FOXP1: variants seen among roughly 807,000 people sequenced by gnomAD.
FOXP1 encodes the protein forkhead box P1.
FOXP1 carries 15 observed loss-of-function variants against 98.2 expected under a neutral mutation model. The ratio of observed to expected loss-of-function variants is 0.15; its 90% CI spans 0.10 to 0.24. The LOEUF (loss-of-function observed/expected upper bound fraction) is 0.24. FOXP1 is among the 10% of genes least tolerant of loss of function. The probability of loss-of-function intolerance (pLI) is 1.00; values close to 1 mark genes in which losing one functional copy is unlikely to be tolerated. For synonymous variants in FOXP1, 371 were observed against 314.5 expected (o/e 1.18, Z -1.90); for missense variants, 633 against 848.5 (o/e 0.75, Z 3.15).
intron 11 of FOXP1, among the ~76,000 whole-genome samples, chr3:71,036,728 A>C (rs2047648473): frequency 6.6e-6 from 1 of 152,218 alleles, no homozygotes; most frequent in Non-Finnish European, 1.5e-5. Flanking sequence ...TTTCAGACCA[A>C]AATGATTTAT....
chr3:71,208,635 T>C (rs2064229405), intron 5 of FOXP1, among the ~76,000 whole-genome samples: 1 of 151,848 alleles, frequency 6.6e-6, no homozygotes, highest in Non-Finnish European at 1.5e-5. Flanking sequence ...TTAATAACGA[T>C]TGCTGCCATG....
At chr3:71,389,361 G>C (rs952340347) in intron 3 of FOXP1, among the ~76,000 whole-genome samples, 11 of 151,392 alleles carry the variant, frequency 7.3e-5, no homozygotes, top group Non-Finnish European at 1.6e-4. Context: ...TTTCATGAGC[G>C]ACACCTGCGT....
chr3:71,303,346 C>T (rs1421706295), intron 4 of FOXP1, among the ~76,000 whole-genome samples: 5 of 152,154 alleles, frequency 3.3e-5, no homozygotes, highest in African/African-American at 4.8e-5. Flanking sequence ...AAGCAAGCCC[C>T]TGGGTGGTGA....
chr3:70,965,861 CA>C, intron 20 of FOXP1, 28 bp downstream of exon 20: 1 of 1,611,596 alleles, frequency 6.2e-7, no homozygotes, highest in Non-Finnish European at 8.5e-7. Context: ...GGTCAGATAG[CA>C]AAGACCTGTT....
intron 2 of FOXP1, among the ~76,000 whole-genome samples, chr3:71,514,806 C>T (rs1053974416): frequency 1.3e-5 from 2 of 152,228 alleles, no homozygotes; most frequent in Non-Finnish European, 2.9e-5. Flanking sequence ...TGGGCCCAGT[C>T]ACAACCTCAG....
At chr3:71,397,502 G>A (rs561659206) in intron 3 of FOXP1, among the ~76,000 whole-genome samples, 8 of 152,226 alleles carry the variant, frequency 5.3e-5, no homozygotes, top group Non-Finnish European at 1.2e-4. Flanking sequence ...CAGGCAATGC[G>A]ACGGGCCTTG....
intron 17 of FOXP1, 99 bp downstream of exon 17, chr3:70,976,842 T>C: frequency 2.4e-6 from 2 of 849,404 alleles, no homozygotes; most frequent in Non-Finnish European, 2.0e-6. Context: ...ATCAAAACAA[T>C]ATAAATGTAG....
chr3:71,257,585 CAAAA>C (rs11337315), intron 5 of FOXP1, among the ~76,000 whole-genome samples: 2 of 71,724 alleles, frequency 2.8e-5, no homozygotes, highest in Non-Finnish European at 5.8e-5. Context: ...AACTCCATCT[CAAAA>C]AAAAAAAAAA....
intron 6 of FOXP1, chr3:71,130,461 C>T: frequency 6.3e-7 from 1 of 1,591,736 alleles, no homozygotes; most frequent in Non-Finnish European, 8.5e-7. Flanking sequence ...AAAGTTTAAC[C>T]CAGCAAAAAA....
intron 7 of FOXP1, among the ~76,000 whole-genome samples, chr3:71,073,071 G>A (rs1464664788): frequency 6.6e-6 from 1 of 152,222 alleles, no homozygotes; most frequent in African/African-American, 2.4e-5. Context: ...AGGTCATACA[G>A]AACTTCCCTC....
chr3:71,086,595 T>C (rs2055122153), intron 7 of FOXP1, among the ~76,000 whole-genome samples: 1 of 152,142 alleles, frequency 6.6e-6, no homozygotes, highest in African/African-American at 2.4e-5. Context: ...GGCTAGAGAC[T>C]CCATCTCTAA....
chr3:70,980,158 C>T (rs577823248), intron 14 of FOXP1, among the ~76,000 whole-genome samples: 3 of 151,984 alleles, frequency 2.0e-5, no homozygotes, highest in African/African-American at 4.8e-5. Flanking sequence ...GAGTAGCAGC[C>T]GCAGGATGGG....
At chr3:71,211,644 A>G (rs1015330701) in intron 5 of FOXP1, among the ~76,000 whole-genome samples, 2 of 152,248 alleles carry the variant, frequency 1.3e-5, no homozygotes, top group African/African-American at 4.8e-5. Context: ...TTTAAAATAG[A>G]AAATAGTTCT....
At chr3:71,277,253 T>G (rs1472850885) in intron 5 of FOXP1, among the ~76,000 whole-genome samples, 1 of 147,504 alleles carries the variant, frequency 6.8e-6, no homozygotes, top group Non-Finnish European at 1.5e-5. Context: ...CCACCGCACC[T>G]GGCTGAACTT....
chr3:71,025,877 A>C (rs1393433146), intron 11 of FOXP1, among the ~76,000 whole-genome samples: 2 of 152,198 alleles, frequency 1.3e-5, no homozygotes, highest in Non-Finnish European at 2.9e-5. Flanking sequence ...AGCCTGGTTC[A>C]TATCCCTGAG....
intron 6 of FOXP1, among the ~76,000 whole-genome samples, chr3:71,174,760 C>T (rs538441337): frequency 1.4e-5 from 2 of 140,342 alleles, no homozygotes; most frequent in Non-Finnish European, 3.1e-5. Context: ...AGGAGCAAAG[C>T]GAATACACAA....
intron 11 of FOXP1, among the ~76,000 whole-genome samples, chr3:71,032,204 T>A (rs142590671): frequency 1.2e-4 from 19 of 152,356 alleles, no homozygotes; most frequent in African/African-American, 4.6e-4. Flanking sequence ...CTGAACAAGC[T>A]GTAAAACTCT....
chr3:71,508,510 A>G (rs2107288802), intron 2 of FOXP1, among the ~76,000 whole-genome samples: 1 of 152,316 alleles, frequency 6.6e-6, no homozygotes, highest in East Asian at 1.9e-4. Context: ...GAAGCTGCTC[A>G]GGCCTCTGTG....
intron 3 of FOXP1, among the ~76,000 whole-genome samples, chr3:71,448,256 C>T (rs1285891622): frequency 6.6e-6 from 1 of 152,176 alleles, no homozygotes; most frequent in East Asian, 1.9e-4. Context: ...ACACACACCT[C>T]TCTGAACAGC....
Sources: gnomAD v4.1 joint callset for allele counts (sites outside exome capture counted in the v4.1 genomes callset) on GRCh38, gnomAD v4.1.1 for gene constraint, MANE v1.5 for transcripts, NCBI Gene and HGNC (gene_info 2026-07-23, HGNC 2026-07-21) for gene names.